KIFAP3: variants seen among roughly 807,000 people sequenced by gnomAD.
KIFAP3 encodes the protein kinesin associated protein 3.
KIFAP3 carries 68 observed loss-of-function variants against 106.5 expected under a neutral mutation model. The ratio of observed to expected loss-of-function variants is 0.64; its 90% confidence interval spans 0.53 to 0.78. The LOEUF is 0.78. KIFAP3 is among the 30% of genes least tolerant of loss of function. The pLI is 0.00. For synonymous variants in KIFAP3, 320 were observed against 311.5 expected, an observed-to-expected ratio of 1.03 and a Z score of -0.29; for missense variants, 780 against 941.8, an observed-to-expected ratio of 0.83 and a Z score of 2.25.
At chr1:169,975,776 G>A (rs1209824417) in intron 16 of KIFAP3, among the ~76,000 whole-genome samples, 1 of 151,918 alleles carries the variant, frequency 6.6e-6, no homozygotes, top group African/African-American at 2.4e-5. Context: ...CAGAATGCCT[G>A]GCTTAGAAAA....
At chr1:170,020,995 C>T (rs1043680143) in intron 9 of KIFAP3, among the ~76,000 whole-genome samples, 8 of 152,096 alleles carry the variant, frequency 5.3e-5, no homozygotes, top group African/African-American at 1.9e-4. Context: ...TATATGCTGA[C>T]TTCATGAAAA....
intron 19 of KIFAP3, among the ~76,000 whole-genome samples, chr1:169,946,604 C>G (rs558564265): frequency 6.6e-6 from 1 of 152,090 alleles, no homozygotes; most frequent in East Asian, 1.9e-4. Flanking sequence ...TTAAAAATAT[C>G]TGAACCTTAA....
intron 10 of KIFAP3, among the ~76,000 whole-genome samples, chr1:170,015,760 T>C (rs1234069711): frequency 6.6e-6 from 1 of 152,074 alleles, no homozygotes; most frequent in Non-Finnish European, 1.5e-5. Flanking sequence ...AAGATGGAAA[T>C]TGAATAGATT....
At chr1:170,062,013 C>T (rs1280599765) in intron 1 of KIFAP3, among the ~76,000 whole-genome samples, 2 of 151,724 alleles carry the variant, frequency 1.3e-5, no homozygotes, top group Non-Finnish European at 1.5e-5. Flanking sequence ...GGGCCTGTCA[C>T]GTGGTGGGGA....
intron 2 of KIFAP3, among the ~76,000 whole-genome samples, chr1:170,053,447 G>T (rs1185290560): frequency 6.6e-6 from 1 of 151,856 alleles, no homozygotes; most frequent in Non-Finnish European, 1.5e-5. Context: ...CATCAAGCTA[G>T]CATTGATTTT....
intron 17 of KIFAP3, among the ~76,000 whole-genome samples, chr1:169,964,728 C>G (rs1467978198): frequency 1.3e-5 from 2 of 152,010 alleles, no homozygotes; most frequent in African/African-American, 4.8e-5. Context: ...CTTTGGGCTT[C>G]CAAAATTAAA....
chr1:169,969,749 G>A (rs531174649), intron 17 of KIFAP3, among the ~76,000 whole-genome samples: 6 of 151,968 alleles, frequency 3.9e-5, no homozygotes, highest in Admixed American at 1.3e-4. Context: ...ACAGTGTGCC[G>A]TTAGTACAAA....
In KIFAP3 at chr1:170,016,588, T is replaced by C. The variant is rs1472668208; in HGVS notation, c.1057A>G (p.Ile353Val). The C allele has an allele frequency of 1.3e-6, 2 of 1,597,786 alleles. No homozygotes were observed. Among genetic ancestry groups the C allele is most frequent in the Non-Finnish European group, 1.7e-6 (2 of 1,174,636 alleles). ...MDIVEKLVKM[I>V]PCEHEDLLNI... ...AGCAGGTCTTCATGCTCACAAGGTA[T>C]CATTTTCACCAGTTTTTCAACAATA... Residue 353 changes from isoleucine (I) to valine (V), a missense_variant, in exon 10 of 20, where the codon ATA (isoleucine) becomes GTA (valine). Around this residue, in one of 3 missense-constraint regions of KIFAP3, gnomAD observed 588 missense variants for 678.9 expected, o/e 0.87. Coordinates refer to ENST00000361580, the MANE Select transcript of KIFAP3 (RefSeq NM_014970.4).
chr1:169,992,865 C>T lies in KIFAP3; in HGVS notation c.1184-610G>A, dbSNP rs114288291. On this transcript the variant is annotated intron_variant, in intron 10 of 19. Transcript: ENST00000361580. The stretch of plus-strand genomic sequence containing the variant: ...TGAATACATATCAAGATTTGAAAAA[C>T]AAAATGGGACTTTAATATATTATTT... Among the ~76,000 whole-genome samples the T allele has an allele frequency of 3.3e-3, 508 of 152,024 alleles. 2 individuals are homozygous for T. The highest frequency in any genetic ancestry group is 0.012 in the African/African-American group (478 of 41,490).
At chr1:169,964,588 T>C (rs1304496185) in intron 17 of KIFAP3, among the ~76,000 whole-genome samples, 1 of 152,176 alleles carries the variant, frequency 6.6e-6, no homozygotes, top group Non-Finnish European at 1.5e-5. Flanking sequence ...GGTAAGTATA[T>C]TAATATTATC....
intron 1 of KIFAP3, among the ~76,000 whole-genome samples, chr1:170,062,832 C>G (rs987749876): frequency 6.6e-6 from 1 of 152,080 alleles, no homozygotes; most frequent in Admixed American, 6.6e-5. Flanking sequence ...TCACAACCCA[C>G]TGATACATTG....
chr1:169,965,929 C>A (rs1665590345), intron 17 of KIFAP3, among the ~76,000 whole-genome samples: 1 of 151,920 alleles, frequency 6.6e-6, no homozygotes, highest in African/African-American at 2.4e-5. Context: ...CAGAACCTAG[C>A]ACCAAATGTA....
chr1:170,014,513 T>C (rs910686882), intron 10 of KIFAP3, among the ~76,000 whole-genome samples: 14 of 152,216 alleles, frequency 9.2e-5, no homozygotes, highest in Non-Finnish European at 1.6e-4. Context: ...ACTTTTTCAA[T>C]ATCCATTTCA....
chr1:170,065,613 CAAAAAAAAAAAAAAAAA>C (rs71125225), intron 1 of KIFAP3, among the ~76,000 whole-genome samples: 1 of 49,900 alleles, frequency 2.0e-5, no homozygotes, highest in Non-Finnish European at 3.8e-5. Context: ...GACTCCACCT[CAAAAAAAAAAAAAAAAA>C]AAAAAAAAAG....
At chr1:169,985,080 T>C (rs1461803533) in intron 11 of KIFAP3, among the ~76,000 whole-genome samples, 2 of 151,738 alleles carry the variant, frequency 1.3e-5, no homozygotes, top group African/African-American at 4.8e-5. Flanking sequence ...GCAAGCATTG[T>C]TGGTGAAAGG....
intron 10 of KIFAP3, among the ~76,000 whole-genome samples, chr1:170,012,524 T>C (rs1668292681): frequency 6.6e-6 from 1 of 152,132 alleles, no homozygotes; most frequent in Non-Finnish European, 1.5e-5. Flanking sequence ...GAAAATACTT[T>C]AGAAAACAAA....
intron 4 of KIFAP3, 26 bp downstream of exon 4, chr1:170,039,207 T>G (rs769615048): frequency 2.5e-5 from 35 of 1,417,416 alleles, no homozygotes; most frequent in Non-Finnish European, 3.4e-5. Context: ...CAGTCCTCTA[T>G]TAGATCAGAA....
chr1:170,062,383 T>C (rs2102148913), intron 1 of KIFAP3, among the ~76,000 whole-genome samples: 1 of 150,958 alleles, frequency 6.6e-6, no homozygotes, highest in East Asian at 1.9e-4. Context: ...TTTGGTTTTT[T>C]CATTTTTTAA....
At chr1:169,945,473 T>C (rs1005147230) in intron 19 of KIFAP3, among the ~76,000 whole-genome samples, 9 of 152,192 alleles carry the variant, frequency 5.9e-5, no homozygotes, top group African/African-American at 2.2e-4. Context: ...TAGCTCACAG[T>C]GTCAGCTGCG....
Sources: allele counts gnomAD v4.1 joint callset (sites outside exome capture counted in the v4.1 genomes callset), GRCh38; gene constraint gnomAD v4.1.1; regional missense constraint gnomAD v4.1.1; transcripts MANE v1.5; gene names NCBI Gene and HGNC (gene_info 2026-07-23, HGNC 2026-07-21).